The following DCAF8L2 variants were observed in gnomAD, a reference collection of about 807,000 sequenced individuals.
The protein encoded by DCAF8L2 is DDB1 and CUL4 associated factor 8 like 2.
For missense variants in DCAF8L2, 430 were observed against 490.7 expected (o/e 0.88, Z 1.17); for synonymous variants, 200 against 190.9 (o/e 1.05, Z -0.39).
At chrX:27,588,401 A>G (rs1925954939), upstream of DCAF8L2, among the ~76,000 whole-genome samples, 1 of 111,052 alleles carries the variant, frequency 9.0e-6, no homozygotes, top group Admixed American at 9.7e-5. Flanking sequence ...CTGCTGATGG[A>G]CATCTAGGTT....
chrX:27,566,621 T>A, the DCAF8L2 span, among the ~76,000 whole-genome samples: 1 of 111,504 alleles, frequency 9.0e-6, no homozygotes, highest in African/African-American at 3.3e-5. Flanking sequence ...ATTTGAACCT[T>A]ATCTCTTTTT....
intron 4 of DCAF8L2, among the ~76,000 whole-genome samples, chrX:27,746,071 T>C (rs972663016): frequency 3.6e-5 from 4 of 112,079 alleles, no homozygotes; most frequent in Non-Finnish European, 7.5e-5. Flanking sequence ...CCACTTTCAA[T>C]TGATCAGTTG....
At chrX:27,616,243 T>C (rs1477631292) in intron 1 of DCAF8L2, among the ~76,000 whole-genome samples, 1 of 111,334 alleles carries the variant, frequency 9.0e-6, no homozygotes, top group Non-Finnish European at 1.9e-5. Flanking sequence ...TGTTTTTTTA[T>C]GCTCTCCTCA....
the DCAF8L2 span, among the ~76,000 whole-genome samples, chrX:27,491,403 T>C: frequency 8.9e-6 from 1 of 112,541 alleles, no homozygotes. Context: ...ACATGGCTTT[T>C]ATTTCAGCAG....
chrX:27,507,773 T>G, the DCAF8L2 span, among the ~76,000 whole-genome samples: 1 of 111,465 alleles, frequency 9.0e-6, no homozygotes, highest in Admixed American at 9.7e-5. Flanking sequence ...TTCCTAGCAA[T>G]TATATTTAAT....
chrX:27,500,978 A>G, the DCAF8L2 span, among the ~76,000 whole-genome samples: 3 of 111,426 alleles, frequency 2.7e-5, no homozygotes, highest in African/African-American at 9.8e-5. Flanking sequence ...TGCCTGAATC[A>G]TGGTTTGCGC....
At chrX:27,686,161 T>C (rs1015196504) in intron 3 of DCAF8L2, among the ~76,000 whole-genome samples, 1 of 111,092 alleles carries the variant, frequency 9.0e-6, no homozygotes, top group African/African-American at 3.3e-5. Flanking sequence ...AAAGCCATCA[T>C]GAAAAACAGC....
At chrX:27,576,253 T>C in the DCAF8L2 span, among the ~76,000 whole-genome samples, 23 of 112,089 alleles carry the variant, frequency 2.1e-4, no homozygotes, top group South Asian at 5.2e-3. Flanking sequence ...TAATTCCAGG[T>C]ACCAATAGTA....
intron 3 of DCAF8L2, among the ~76,000 whole-genome samples, chrX:27,704,293 T>C (rs1931264625): frequency 9.4e-6 from 1 of 106,886 alleles, no homozygotes; most frequent in African/African-American, 3.5e-5. Context: ...TATATATACA[T>C]ATATATGTGT....
chrX:27,687,257 G>A (rs1166706444), intron 3 of DCAF8L2, among the ~76,000 whole-genome samples: 3 of 112,143 alleles, frequency 2.7e-5, no homozygotes, highest in Admixed American at 9.5e-5. Flanking sequence ...CTGTATAAAT[G>A]AAGTAAAATA....
the DCAF8L2 span, among the ~76,000 whole-genome samples, chrX:27,533,184 A>AGAGAG: frequency 1.0e-4 from 2 of 19,922 alleles, no homozygotes; most frequent in Admixed American, 1.4e-3. Context: ...GAAAGAAAGA[A>AGAGAG]AGAAAGAAAG....
At chrX:27,665,239 G>A (rs753009248) in intron 2 of DCAF8L2, among the ~76,000 whole-genome samples, 1 of 110,512 alleles carries the variant, frequency 9.0e-6, no homozygotes, top group African/African-American at 3.3e-5. Context: ...AAATTTAAAA[G>A]AAATTGATTC....
chrX:27,607,072 A>G (rs1926940656), intron 1 of DCAF8L2, among the ~76,000 whole-genome samples: 1 of 111,995 alleles, frequency 8.9e-6, no homozygotes, highest in African/African-American at 3.2e-5. Context: ...ACAATGTTAA[A>G]TCTAGGAAGG....
In DCAF8L2 at chrX:27,704,718, T is replaced by C. The variant is rs768327900; in HGVS notation, c.-142-11370T>C. On this transcript the variant is annotated intron_variant, in intron 3 of 4. Transcript: ENST00000451261. ...ATGAATGTGTTAATTTGTTAGTTTG[T>C]AGTAATGATTTCATTATGTATGTGT... Among the ~76,000 whole-genome samples, 4 of 111,864 alleles carry C rather than the reference T, an allele frequency of 3.6e-5. No homozygotes were observed. In the East Asian group the frequency reaches 8.5e-4, roughly 24 times the overall value.
the DCAF8L2 span, among the ~76,000 whole-genome samples, chrX:27,520,866 A>G: frequency 7.1e-5 from 8 of 111,969 alleles, no homozygotes; most frequent in African/African-American, 2.6e-4. Context: ...TGTGAATTTA[A>G]TCCAGTCAGA....
At chrX:27,593,520 G>C (rs1926214155) in intron 1 of DCAF8L2, among the ~76,000 whole-genome samples, 1 of 111,686 alleles carries the variant, frequency 9.0e-6, no homozygotes. Context: ...TGCTGGTTTT[G>C]ATGGAAGACC....
At chrX:27,717,187 T>C (rs1279850203) in intron 4 of DCAF8L2, among the ~76,000 whole-genome samples, 5 of 112,682 alleles carry the variant, frequency 4.4e-5, no homozygotes, top group African/African-American at 1.6e-4. Context: ...AGTTCTGTAG[T>C]TAACATATGT....
At chrX:27,533,220 AAG>A in the DCAF8L2 span, among the ~76,000 whole-genome samples, 3 of 48,491 alleles carry the variant, frequency 6.2e-5, no homozygotes, top group Non-Finnish European at 9.5e-5. Context: ...GAAAGAAAGA[AAG>A]AAAGAAAGAA....
intron 2 of DCAF8L2, among the ~76,000 whole-genome samples, chrX:27,646,326 T>C (rs1269320972): frequency 8.9e-6 from 1 of 112,056 alleles, no homozygotes; most frequent in Non-Finnish European, 1.9e-5. Context: ...TGATTCCCTA[T>C]TCAATAAATA....
Sources: allele counts gnomAD v4.1 joint callset (sites outside exome capture counted in the v4.1 genomes callset), GRCh38; gene constraint gnomAD v4.1.1; transcripts MANE v1.5; gene names NCBI Gene and HGNC (gene_info 2026-07-23, HGNC 2026-07-21).